The following KPNA3 variants were observed in gnomAD, a reference collection of about 807,000 sequenced individuals.
KPNA3 encodes the protein karyopherin subunit alpha 3.
A neutral mutation model predicts 73.8 loss-of-function variants in KPNA3; 13 were observed. The observed-to-expected ratio is 0.18, with a 90% CI of 0.11 to 0.28. The LOEUF (loss-of-function observed/expected upper bound fraction) is 0.28. Among genes scored for constraint, KPNA3 ranks in the 10% least tolerant of loss-of-function variants. The pLI, the probability that KPNA3 is intolerant of heterozygous loss-of-function variation, is 1.00. For synonymous variants in KPNA3, 186 were observed against 206.9 expected, an observed-to-expected ratio of 0.90 and a Z score of 0.87; for missense variants, 360 against 618.1, an observed-to-expected ratio of 0.58 and a Z score of 4.43.
intron 10 of KPNA3, among the ~76,000 whole-genome samples, chr13:49,718,117 G>A (rs1954322294): frequency 6.6e-6 from 1 of 152,054 alleles, no homozygotes; most frequent in Non-Finnish European, 1.5e-5. Flanking sequence ...ACCTTAGAAA[G>A]ATTATTTAAC....
At chr13:49,733,101 A>T in intron 2 of KPNA3, 55 bp from the exon 3 acceptor site, 1 of 1,068,742 alleles carries the variant, frequency 9.4e-7, no homozygotes, top group Non-Finnish European at 1.4e-6. Context: ...GTTAATGAAA[A>T]ATCCATTAAA....
chr13:49,717,558 C>A (rs1464891607), intron 10 of KPNA3, among the ~76,000 whole-genome samples: 1 of 151,946 alleles, frequency 6.6e-6, no homozygotes, highest in Non-Finnish European at 1.5e-5. Flanking sequence ...TTAATATCTT[C>A]CCCCGTGTTC....
chr13:49,708,894 G>C (rs1954232942), intron 12 of KPNA3, among the ~76,000 whole-genome samples: 1 of 151,958 alleles, frequency 6.6e-6, no homozygotes. Context: ...CTCGTCTTTG[G>C]GTCCAAACTA....
intron 11 of KPNA3, 56 bp from the exon 12 acceptor site, chr13:49,709,756 A>C: frequency 6.6e-7 from 1 of 1,517,182 alleles, no homozygotes. Flanking sequence ...GACTAATTCT[A>C]TATTTTTCAT....
chr13:49,703,517 ATCTT>A (rs1439867533), intron 15 of KPNA3, among the ~76,000 whole-genome samples: 1 of 152,120 alleles, frequency 6.6e-6, no homozygotes, highest in African/African-American at 2.4e-5. Flanking sequence ...AGTAATTTGT[ATCTT>A]TCTCTTTGTT....
intron 1 of KPNA3, among the ~76,000 whole-genome samples, chr13:49,756,430 G>A (rs1954712547): frequency 6.6e-6 from 1 of 152,154 alleles, no homozygotes; most frequent in Non-Finnish European, 1.5e-5. Context: ...GGAGGCAAGT[G>A]TTTATTGTCC....
chr13:49,758,255 T>C (rs1954728539), intron 1 of KPNA3, among the ~76,000 whole-genome samples: 1 of 152,200 alleles, frequency 6.6e-6, no homozygotes, highest in African/African-American at 2.4e-5. Flanking sequence ...AGGACTTGAC[T>C]TTAAAACCAT....
chr13:49,709,262 G>A (rs1196065949), intron 12 of KPNA3, among the ~76,000 whole-genome samples: 3 of 151,950 alleles, frequency 2.0e-5, no homozygotes, highest in African/African-American at 7.3e-5. Flanking sequence ...TTAGCTGGGC[G>A]TGGTGGCGGG....
At chr13:49,792,068 G>A (rs1955038195) in intron 1 of KPNA3, among the ~76,000 whole-genome samples, 2 of 152,134 alleles carry the variant, frequency 1.3e-5, no homozygotes, top group Admixed American at 6.5e-5. Flanking sequence ...CGCAAGCAGC[G>A]GCCGCCCCCT....
chr13:49,756,933 A>G (rs530021083), intron 1 of KPNA3, among the ~76,000 whole-genome samples: 2 of 152,352 alleles, frequency 1.3e-5, no homozygotes, highest in East Asian at 3.9e-4. Context: ...ACAAAGGTGC[A>G]AAAGCAATTA....
intron 1 of KPNA3, among the ~76,000 whole-genome samples, chr13:49,757,081 T>A (rs1294830534): frequency 1.3e-5 from 2 of 152,140 alleles, no homozygotes; most frequent in African/African-American, 4.8e-5. Flanking sequence ...TATAAACTTT[T>A]AGGAAAAACC....
intron 10 of KPNA3, among the ~76,000 whole-genome samples, chr13:49,713,479 A>G (rs1282202567): frequency 3.9e-5 from 6 of 152,170 alleles, no homozygotes; most frequent in Non-Finnish European, 7.4e-5. Flanking sequence ...TACAAATATC[A>G]TATTAGGTTC....
rs536470108 is a variant in KPNA3, at chr13:49,777,663, G to T, written c.69+14775C>A. 7.6e-4 allele frequency among the ~76,000 whole-genome samples: 100 copies of T among 132,098 alleles called. 1 individual carries two copies. Among genetic ancestry groups the T allele is most frequent in the Non-Finnish European group, 2.7e-4 (16 of 58,362 alleles). 86.7% of individuals were successfully genotyped at this position (132,098 alleles called of 152,430 possible). A position where few individuals can be genotyped will look rare whatever the true frequency, so the allele number is the denominator to read the frequency against. On this transcript the variant is annotated intron_variant, in intron 1 of 16. Coordinates refer to ENST00000261667, the MANE Select transcript of KPNA3 (RefSeq NM_002267.4). ...CTACAGGCACACGACAATGCACCCA[G>T]ATGATTTTTTTTTTTTTTTGTATTT...
rs994607638 is a variant in KPNA3, at chr13:49,706,392, A to G, written c.1033-20T>C. Reference sequence around the variant, plus strand: ...TGCTTCCTATAATTGAACAAAATATAGGGCACCTTTATTTGAAAAATAATA... The same window carrying G: ...TGCTTCCTATAATTGAACAAAATATGGGGCACCTTTATTTGAAAAATAATA... On this transcript the variant is annotated intron_variant, in intron 12 of 16. Coordinates refer to ENST00000261667, the MANE Select transcript of KPNA3 (RefSeq NM_002267.4). 19 of 1,539,520 alleles carry G rather than the reference A, an allele frequency of 1.2e-5. No individual in the cohort carries two copies. The highest frequency in any genetic ancestry group is 1.7e-5 in the Non-Finnish European group (19 of 1,116,494).
chr13:49,787,373 C>A (rs1954991605), intron 1 of KPNA3, among the ~76,000 whole-genome samples: 1 of 152,208 alleles, frequency 6.6e-6, no homozygotes, highest in African/African-American at 2.4e-5. Context: ...ATAGCAATTT[C>A]TGTGATATAG....
At chr13:49,737,118 T>G (rs1954528962) in intron 2 of KPNA3, among the ~76,000 whole-genome samples, 1 of 152,182 alleles carries the variant, frequency 6.6e-6, no homozygotes, top group African/African-American at 2.4e-5. Flanking sequence ...GCCATCTGTG[T>G]TGTTTCTAAG....
intron 10 of KPNA3, among the ~76,000 whole-genome samples, chr13:49,718,927 C>T (rs1267635928): frequency 6.6e-6 from 1 of 151,936 alleles, no homozygotes; most frequent in Admixed American, 6.6e-5. Context: ...AATTCTGCCA[C>T]ACATATACAC....
chr13:49,721,545 C>G (rs952722587), intron 9 of KPNA3, among the ~76,000 whole-genome samples: 8 of 151,882 alleles, frequency 5.3e-5, no homozygotes, highest in Non-Finnish European at 1.0e-4. Context: ...TGTGGCTGGG[C>G]GTGGTGGCTC....
At chr13:49,731,958 C>T (rs1214721487) in intron 6 of KPNA3, among the ~76,000 whole-genome samples, 1 of 152,112 alleles carries the variant, frequency 6.6e-6, no homozygotes, top group Non-Finnish European at 1.5e-5. Context: ...CTGGAAGATT[C>T]CCAGGGTAAG....
Sources: allele counts gnomAD v4.1 joint callset (sites outside exome capture counted in the v4.1 genomes callset), GRCh38; gene constraint gnomAD v4.1.1; transcripts MANE v1.5; gene names NCBI Gene and HGNC (gene_info 2026-07-23, HGNC 2026-07-21).